Variants in BUD23 observed in about 807,000 individuals in gnomAD.
BUD23 encodes the protein 18S rRNA (guanine-N(7))-methyltransferase.
A neutral mutation model predicts 47.0 loss-of-function variants in BUD23; 34 were observed. That is an observed-to-expected ratio of 0.72 (90% CI 0.55 to 0.96). The LOEUF is 0.96. Among genes scored for constraint, BUD23 ranks in the 40% least tolerant of loss-of-function variants. The pLI is 0.00. For missense variants in BUD23, 343 were observed against 361.2 expected (o/e 0.95, Z 0.41); for synonymous variants, 124 against 132.0 (o/e 0.94, Z 0.41).
intron 4 of BUD23, 44 bp from the exon 5 acceptor site, chr7:73,686,955 C>G: frequency 6.2e-7 from 1 of 1,613,930 alleles, no homozygotes; most frequent in Non-Finnish European, 8.5e-7. Context: ...TGTGGAGAAG[C>G]CACAGGTATT....
intron 10 of BUD23, chr7:73,695,329 C>A (rs1225159938): frequency 1.3e-5 from 2 of 151,090 alleles, no homozygotes; most frequent in African/African-American, 4.9e-5. Context: ...TTGATCTCGG[C>A]TCACTGCAAC....
chr7:73,695,604 T>G (rs1282703054), intron 10 of BUD23: 1 of 152,378 alleles, frequency 6.6e-6, no homozygotes, highest in Non-Finnish European at 1.5e-5. Context: ...ACATTTCACA[T>G]CTTGTCAGCC....
In BUD23 at chr7:73,683,991, C is replaced by CA. The variant is rs199974369; in HGVS notation, c.86+188dup. The stretch of plus-strand genomic sequence containing the variant: ...CCGACCTCTCTGGGCCTCGGTACCT[C>CA]AGCGTTGAGGTAGGGGTGATCGCGC... On this transcript the variant is annotated intron_variant, in intron 2 of 11. Coordinates refer to ENST00000265758, the MANE Select transcript of BUD23 (RefSeq NM_017528.5). 1,616 of 1,472,742 alleles carry CA rather than the reference C, an allele frequency of 1.1e-3. 15 individuals are homozygous for CA. The African/African-American group carries it at 0.019, about 18-fold the overall frequency. 91.2% of individuals were successfully genotyped at this position (1,472,742 alleles called of 1,614,324 possible). A position where few individuals can be genotyped will look rare whatever the true frequency, so the allele number is the denominator to read the frequency against.
chr7:73,689,655 A>G (rs1231564890), intron 5 of BUD23, among the ~76,000 whole-genome samples: 5 of 152,090 alleles, frequency 3.3e-5, no homozygotes, highest in African/African-American at 1.2e-4. Flanking sequence ...CCGGTGGGAA[A>G]GGGGTCTGAG....
In BUD23 at chr7:73,686,988, C is replaced by T; in HGVS notation, c.266-11C>T. On this transcript the variant is annotated splice_polypyrimidine_tract_variant and intron_variant, in intron 4 of 11. Transcript: ENST00000265758. ...ATTTCTCTTTCTCTGACTGCCTTTTCTCTAATGTAGATGAGGCTGTGGACC... is the reference window on the plus strand; with the variant it reads ...ATTTCTCTTTCTCTGACTGCCTTTTTTCTAATGTAGATGAGGCTGTGGACC... The T allele has an allele frequency of 4.3e-6, 7 of 1,614,200 alleles. No homozygotes were observed. Among genetic ancestry groups the T allele is most frequent in the Non-Finnish European group, 5.9e-6 (7 of 1,180,040 alleles).
intron 2 of BUD23, among the ~76,000 whole-genome samples, chr7:73,684,806 C>T (rs1421447358): frequency 1.3e-5 from 2 of 151,184 alleles, no homozygotes; most frequent in African/African-American, 4.9e-5. Flanking sequence ...TTTCTGTAAC[C>T]CCAGCTACTC....
intron 5 of BUD23, among the ~76,000 whole-genome samples, chr7:73,687,536 A>G (rs782607028): frequency 2.0e-5 from 3 of 152,140 alleles, no homozygotes; most frequent in African/African-American, 7.2e-5. Context: ...CGGCCTCCCA[A>G]AGTGCTGGGA....
intron 10 of BUD23, 29 bp from the exon 11 acceptor site, chr7:73,697,576 A>C (rs1236969686): frequency 2.6e-5 from 42 of 1,613,248 alleles, no homozygotes; most frequent in Non-Finnish European, 3.4e-5. Flanking sequence ...TCAGCTGTCC[A>C]TCAGCTCATA....
Position 73,688,958 on chromosome 7 carries a change from G to C in BUD23, c.362+1863G>C, listed in dbSNP as rs967825537. 5.2e-4 allele frequency among the ~76,000 whole-genome samples: 79 copies of C among 152,202 alleles called. 1 individual carries two copies. Among genetic ancestry groups the C allele is most frequent in the Non-Finnish European group, 1.5e-4 (10 of 68,038 alleles). On this transcript the variant is annotated intron_variant, in intron 5 of 11. Transcript: ENST00000265758. ...GTAATGGTCAGATGAGGTGTTTTAA[G>C]CTGTGAAAAACCGAAGGCCAGCAGT... is the stretch of plus-strand genomic sequence containing the variant.
At chr7:73,686,034 T>G (rs955146513) in intron 2 of BUD23, among the ~76,000 whole-genome samples, 3 of 151,338 alleles carry the variant, frequency 2.0e-5, no homozygotes, top group African/African-American at 7.3e-5. Flanking sequence ...AGGCGGAGCT[T>G]GCAGTGAGCC....
Position 73,693,430 on chromosome 7 carries a change from C to A in BUD23, c.596+16C>A. The A allele has an allele frequency of 3.7e-6, 6 of 1,613,870 alleles. No homozygotes were observed. The highest frequency in any genetic ancestry group is 5.1e-6 in the Non-Finnish European group (6 of 1,179,866). ...AAGCAAAGAAGTGAGCGCTGGGGGC[C>A]GGTGTGCTGCCTGGGCTGCAGGAGG... is the stretch of plus-strand genomic sequence containing the variant. On this transcript the variant is annotated intron_variant, in intron 8 of 11. Transcript: ENST00000265758.
rs1554614565 is a variant in BUD23 at position 73,694,268 on chromosome 7, C to T, written c.701+218C>T. ...GGTGCAGCCATGCAGCCTGGACTCC[C>T]TTTGTGAGCCCACACATGCCCCTTC... On this transcript the variant is annotated intron_variant, in intron 10 of 11. Transcript: ENST00000265758. The T allele has an allele frequency of 7.8e-6, 4 of 515,062 alleles. No individual in the cohort carries two copies. In the Admixed American group the frequency reaches 1.2e-4, roughly 15 times the overall value. The allele number at this position is 515,062 out of a possible 1,614,324, so 31.9% of individuals were successfully genotyped here.
rs1798286310 is a variant in BUD23 at position 73,693,756 on chromosome 7, C to T, written c.642+87C>T. 12 of 1,560,316 alleles carry T rather than the reference C, an allele frequency of 7.7e-6. No homozygotes were observed. In the South Asian group the frequency reaches 7.8e-5, roughly 10 times the overall value. The stretch of plus-strand genomic sequence containing the variant: ...GCCTGCAGAGCCTGCTGGGAGAACA[C>T]TGGTGGGGAAGCAGGGCCCAGCCCC... On this transcript the variant is annotated intron_variant, in intron 9 of 11. Transcript: ENST00000265758.
chr7:73,686,024 A>C (rs1333839503), intron 2 of BUD23, among the ~76,000 whole-genome samples: 4 of 150,904 alleles, frequency 2.7e-5, no homozygotes, highest in African/African-American at 7.3e-5. Context: ...TTAACCCGGG[A>C]GGCGGAGCTT....
At chr7:73,692,091 G>A (rs1254868738) in intron 6 of BUD23, among the ~76,000 whole-genome samples, 3 of 152,128 alleles carry the variant, frequency 2.0e-5, no homozygotes, top group African/African-American at 7.2e-5. Context: ...TGATGTGGCC[G>A]CTGGCCTTTC....
intron 8 of BUD23, 80 bp from the exon 9 acceptor site, chr7:73,693,544 G>C: frequency 1.2e-6 from 2 of 1,601,874 alleles, no homozygotes; most frequent in Non-Finnish European, 8.6e-7. Flanking sequence ...GGCGGAGGGG[G>C]TGCGGGTGGG....
chr7:73,684,286 A>G (rs1797850815), intron 2 of BUD23, among the ~76,000 whole-genome samples: 1 of 151,990 alleles, frequency 6.6e-6, no homozygotes, highest in Non-Finnish European at 1.5e-5. Flanking sequence ...AATCTCAGCA[A>G]TCGCAGCACT....
At chr7:73,697,504 A>G (rs1798459074) in intron 10 of BUD23, 101 bp from the exon 11 acceptor site, 1 of 1,591,164 alleles carries the variant, frequency 6.3e-7, no homozygotes, top group Admixed American at 1.8e-5. Context: ...ATCCGAGGCC[A>G]CCAGACTCGG....
chr7:73,689,971 G>A (rs1258520815), intron 5 of BUD23, among the ~76,000 whole-genome samples: 1 of 152,068 alleles, frequency 6.6e-6, no homozygotes, highest in Non-Finnish European at 1.5e-5. Flanking sequence ...AGGGCGGAGG[G>A]GAAGGGCAGG....
Sources: allele counts gnomAD v4.1 joint callset (sites outside exome capture counted in the v4.1 genomes callset), GRCh38; gene constraint gnomAD v4.1.1; transcripts MANE v1.5; gene names NCBI Gene and HGNC (gene_info 2026-07-23, HGNC 2026-07-21).